EFCAB5: variants seen among roughly 807,000 people sequenced by gnomAD.
EFCAB5 encodes EF-hand calcium binding domain 5.
In EFCAB5, 131 loss-of-function variants were observed where a neutral mutation model predicts 167.9. That is an observed-to-expected ratio of 0.78 (90% confidence interval 0.68 to 0.90). EFCAB5 has a LOEUF of 0.90. Among genes scored for constraint, EFCAB5 ranks in the 40% least tolerant of loss-of-function variants. EFCAB5 has a pLI of 0.00. For missense variants in EFCAB5, 1,663 were observed against 1,745.2 expected, an observed-to-expected ratio of 0.95 and a Z score of 0.84; for synonymous variants, 574 against 602.8, an observed-to-expected ratio of 0.95 and a Z score of 0.70.
chr17:29,962,653 G>GGGT (rs1214471225), intron 3 of EFCAB5, among the ~76,000 whole-genome samples: 2 of 99,084 alleles, frequency 2.0e-5, no homozygotes, highest in African/African-American at 7.5e-5. Context: ...TTTTTTTTTA[G>GGGT]ACAGGGTCTC....
chr17:30,090,347 T>C, intron 19 of EFCAB5, 74 bp from the exon 20 acceptor site: 2 of 1,544,152 alleles, frequency 1.3e-6, no homozygotes. Flanking sequence ...AGAGAGTAAT[T>C]CAATATGTTT....
At chr17:29,953,037 A>G (rs1478173822) in intron 3 of EFCAB5, among the ~76,000 whole-genome samples, 1 of 152,212 alleles carries the variant, frequency 6.6e-6, no homozygotes, top group East Asian at 1.9e-4. Context: ...TTACCTGGCC[A>G]GAACAATCAG....
Position 30,051,236 on chromosome 17 carries a change from G to A in EFCAB5, c.1300+19G>A, listed in dbSNP as rs1461599691. The A allele has an allele frequency of 2.5e-6, 4 of 1,610,672 alleles. No homozygotes were observed. The highest frequency in any genetic ancestry group is 3.4e-6 in the Non-Finnish European group (4 of 1,176,980). On this transcript the variant is annotated intron_variant, in intron 9 of 22. Transcript: ENST00000394835. ...CGACAATGTAAGTGCCGCTCAGAGG[G>A]AGTATGTTCAAGCTGGAGTGTCGCA...
chr17:29,998,979 T>A (rs1240335801), intron 6 of EFCAB5, among the ~76,000 whole-genome samples: 1 of 152,156 alleles, frequency 6.6e-6, no homozygotes. Flanking sequence ...TTTTCTTGGT[T>A]TTTGTGATAT....
intron 1 of EFCAB5, chr17:29,929,918 G>T: frequency 6.3e-7 from 1 of 1,581,986 alleles, no homozygotes; most frequent in South Asian, 1.2e-5. Context: ...CAAGCGGAGC[G>T]GCCGCCAGGA....
chr17:30,024,792 G>A (rs1567721985), intron 7 of EFCAB5, among the ~76,000 whole-genome samples: 1 of 152,112 alleles, frequency 6.6e-6, no homozygotes, highest in Non-Finnish European at 1.5e-5. Flanking sequence ...TATACTACAA[G>A]GCTACAGTAA....
At chr17:30,026,228 G>A (rs943181308) in intron 7 of EFCAB5, among the ~76,000 whole-genome samples, 2 of 151,928 alleles carry the variant, frequency 1.3e-5, no homozygotes, top group African/African-American at 2.4e-5. Flanking sequence ...ATCCCCAAAA[G>A]ACAACTCATT....
At chr17:30,102,387 T>C (rs2071393646) in intron 22 of EFCAB5, among the ~76,000 whole-genome samples, 1 of 152,096 alleles carries the variant, frequency 6.6e-6, no homozygotes, top group Non-Finnish European at 1.5e-5. Context: ...TAATTAATTA[T>C]AGAGGCAGGG....
Position 29,943,521 on chromosome 17 carries a change from A to G in EFCAB5, c.106-44A>G, listed in dbSNP as rs193264423. 1,371 of 1,482,520 alleles carry G rather than the reference A, an allele frequency of 9.2e-4. 8 individuals are homozygous for G. Among genetic ancestry groups the G allele is most frequent in the Middle Eastern group, 6.9e-3 (40 of 5,778 alleles). 91.8% of individuals were successfully genotyped at this position (1,482,520 alleles called of 1,614,324 possible). The stretch of plus-strand genomic sequence containing the variant: ...AATAATTTATACAACTTTGTTGAAA[A>G]TCAAGTCACATTGAAATTGGTGATT... On this transcript the variant is annotated intron_variant, in intron 2 of 22. Coordinates refer to ENST00000394835, the MANE Select transcript of EFCAB5 (RefSeq NM_198529.4).
At chr17:29,982,245 A>G (rs1415360104) in intron 4 of EFCAB5, among the ~76,000 whole-genome samples, 2 of 152,194 alleles carry the variant, frequency 1.3e-5, no homozygotes, top group East Asian at 3.8e-4. Context: ...CATCCTGGCT[A>G]ACATAGTGAA....
At chr17:30,044,866 G>A (rs2069876622) in intron 8 of EFCAB5, among the ~76,000 whole-genome samples, 1 of 152,110 alleles carries the variant, frequency 6.6e-6, no homozygotes, top group Admixed American at 6.5e-5. Context: ...GTTCTTAGCA[G>A]CCTCATTCAT....
chr17:29,998,275 G>A (rs542491552), intron 6 of EFCAB5, among the ~76,000 whole-genome samples: 1 of 152,126 alleles, frequency 6.6e-6, no homozygotes, highest in East Asian at 1.9e-4. Context: ...TTTGAATGAG[G>A]GTACAGAAGG....
intron 8 of EFCAB5, among the ~76,000 whole-genome samples, chr17:30,047,808 A>G (rs993538005): frequency 4.6e-5 from 7 of 152,196 alleles, no homozygotes; most frequent in South Asian, 2.1e-4. Flanking sequence ...AGATACCACA[A>G]TGGAGAATCT....
intron 7 of EFCAB5, among the ~76,000 whole-genome samples, chr17:30,014,052 C>T (rs1376918436): frequency 1.3e-5 from 2 of 152,146 alleles, no homozygotes; most frequent in Non-Finnish European, 2.9e-5. Flanking sequence ...GCCTTCATTT[C>T]GTTATGTACC....
Position 30,026,961 on chromosome 17 carries a change from C to CTTTTTTTTTTTTTTTTTTTTTTTT in EFCAB5, c.1045-7249_1045-7226dup, listed in dbSNP as rs71138868. On this transcript the variant is annotated intron_variant, in intron 7 of 22. Transcript: ENST00000394835. ...ATGATTTCCTTGTACCTCCTTGTAC[C>CTTTTTTTTTTTTTTTTTTTTTTTT]TTTTTTTTTTTTTTTTTTTTTTTTT... Among the ~76,000 whole-genome samples, 2 of 64,520 alleles carry CTTTTTTTTTTTTTTTTTTTTTTTT rather than the reference C, an allele frequency of 3.1e-5. 1 individual carries two copies. Among genetic ancestry groups the CTTTTTTTTTTTTTTTTTTTTTTTT allele is most frequent in the Non-Finnish European group, 5.8e-5 (2 of 34,530 alleles). 42.3% of individuals were successfully genotyped at this position (64,520 alleles called of 152,430 possible).
At chr17:29,980,524 C>T (rs2068152826) in intron 4 of EFCAB5, among the ~76,000 whole-genome samples, 3 of 152,314 alleles carry the variant, frequency 2.0e-5, no homozygotes, top group South Asian at 2.1e-4. Flanking sequence ...CTTACTTGAC[C>T]TCTTAGCATT....
At chr17:30,037,842 G>C (rs552874637) in intron 8 of EFCAB5, among the ~76,000 whole-genome samples, 44 of 152,166 alleles carry the variant, frequency 2.9e-4, no homozygotes, top group Non-Finnish European at 5.7e-4. Flanking sequence ...AGAAGTTAAT[G>C]AAATATTTAC....
chr17:29,974,505 G>A (rs1477179045), intron 4 of EFCAB5, among the ~76,000 whole-genome samples: 1 of 151,098 alleles, frequency 6.6e-6, no homozygotes, highest in Non-Finnish European at 1.5e-5. Context: ...TCATGCCACT[G>A]CACTCTATCT....
intron 19 of EFCAB5, 103 bp from the exon 20 acceptor site, chr17:30,090,317 GT>G (rs2151847180): frequency 7.0e-7 from 1 of 1,422,074 alleles, no homozygotes; most frequent in East Asian, 2.4e-5. Flanking sequence ...GGCTGGCATG[GT>G]GGAAGTGAGG....
Sources: allele counts gnomAD v4.1 joint callset (sites outside exome capture counted in the v4.1 genomes callset), GRCh38; gene constraint gnomAD v4.1.1; transcripts MANE v1.5; gene names NCBI Gene and HGNC (gene_info 2026-07-23, HGNC 2026-07-21).